The following TLE1 variants were observed in gnomAD, a reference collection of about 807,000 sequenced individuals.
The protein encoded by TLE1 is TLE family member 1, transcriptional corepressor.
Under a neutral mutation model 89.8 loss-of-function variants are expected in TLE1, and 21 were observed. The ratio of observed to expected loss-of-function variants is 0.23; its 90% CI spans 0.17 to 0.34. The LOEUF (loss-of-function observed/expected upper bound fraction) is 0.34, where lower values mean the gene tolerates loss of function less well. Among genes scored for constraint, TLE1 ranks in the 10% least tolerant of loss-of-function variants. The pLI, the probability that TLE1 is intolerant of heterozygous loss-of-function variation, is 1.00. For synonymous variants in TLE1, 447 were observed against 407.6 expected (o/e 1.10, Z -1.16); for missense variants, 795 against 1,031.2 (o/e 0.77, Z 3.14).
chr9:81,612,852 G>A (rs1823891360), intron 12 of TLE1, among the ~76,000 whole-genome samples: 1 of 152,214 alleles, frequency 6.6e-6, no homozygotes, highest in South Asian at 2.1e-4. Context: ...GAGGTCAGGA[G>A]TTTGAGACCA....
In TLE1 at chr9:81,653,919, T is replaced by C; in HGVS notation, c.297+55A>G. The stretch of plus-strand genomic sequence containing the variant: ...AATTAACATCTTAAAACTAGCTAAT[T>C]TGCAAACAGAGAAGCAACATAATTG... On this transcript the variant is annotated intron_variant, in intron 5 of 19. Coordinates refer to ENST00000376499, the MANE Select transcript of TLE1 (RefSeq NM_005077.5). 5 of 1,527,704 alleles carry C rather than the reference T, an allele frequency of 3.3e-6. No homozygotes were observed. In the South Asian group the frequency reaches 4.5e-5, roughly 14 times the overall value. 94.6% of individuals were successfully genotyped at this position (1,527,704 alleles called of 1,614,324 possible). A position where few individuals can be genotyped will look rare whatever the true frequency, so the allele number is the denominator to read the frequency against.
chr9:81,679,983 TTACTAAAG>T (rs1833398282), intron 4 of TLE1, among the ~76,000 whole-genome samples: 1 of 152,180 alleles, frequency 6.6e-6, no homozygotes, highest in South Asian at 2.1e-4. Context: ...ATTTAAATAT[TTACTAAAG>T]AAACAGATTT....
rs747100379 is a variant in TLE1 at position 81,616,080 on chromosome 9, C to T, written c.820G>A (p.Asp274Asn). ...PAHSPRENGIDKNRLLKKDAS... is the reference protein window; with the variant it reads ...PAHSPRENGINKNRLLKKDAS... The stretch of plus-strand genomic sequence containing the variant: ...TCCTTCTTTAGCAGGCGATTTTTGT[C>T]GATTCCATTTTCCCGGGGCGAGTGG... Residue 274 changes from aspartate (D) to asparagine (N), a missense_variant, in exon 11 of 20, where the codon GAC becomes AAC. Around this residue, in one of 4 missense-constraint regions of TLE1, gnomAD observed 468 missense variants for 509.1 expected, o/e 0.92. Coordinates refer to ENST00000376499, the MANE Select transcript of TLE1 (RefSeq NM_005077.5). 9 of 1,614,084 alleles carry T rather than the reference C, an allele frequency of 5.6e-6. No individual in the cohort carries two copies. Among genetic ancestry groups the T allele is most frequent in the Admixed American group, 5.0e-5 (3 of 59,992 alleles).
chr9:81,622,184 G>T (rs987209061), intron 8 of TLE1, among the ~76,000 whole-genome samples: 5 of 152,216 alleles, frequency 3.3e-5, no homozygotes, highest in Non-Finnish European at 7.3e-5. Context: ...CATGGGAAAC[G>T]TGTTTAAATA....
intron 4 of TLE1, among the ~76,000 whole-genome samples, chr9:81,654,691 G>T (rs939420952): frequency 6.6e-6 from 1 of 152,146 alleles, no homozygotes; most frequent in Admixed American, 6.5e-5. Context: ...TGTCATTATT[G>T]CAAGTTCATT....
At position 81,611,923 on chromosome 9, in the gene TLE1, G is replaced by C; in HGVS notation, c.1100C>G (p.Pro367Arg). The C allele has an allele frequency of 1.3e-6, 2 of 1,501,382 alleles. No homozygotes were observed. Among genetic ancestry groups the C allele is most frequent in the Non-Finnish European group, 1.8e-6 (2 of 1,128,168 alleles). 93.0% of individuals were successfully genotyped at this position (1,501,382 alleles called of 1,614,324 possible). ...GLRTPLAVPG[P>R]YPAPFGMVPH... ...GACCATCCCAAAAGGAGCAGGATAT[G>C]GGCCGGGCACTGCCAGGGGTGTCCT... is the stretch of plus-strand genomic sequence containing the variant. The change falls in exon 13 of 20, where the codon CCA becomes CGA. Residue 367 changes from proline (P) to arginine (R), a missense_variant. Pro to Arg is a moderately radical substitution (Grantham distance 103, BLOSUM62 -2). Around this residue, in one of 4 missense-constraint regions of TLE1, gnomAD observed 468 missense variants for 509.1 expected, o/e 0.92. Coordinates refer to ENST00000376499, the MANE Select transcript of TLE1 (RefSeq NM_005077.5).
intron 14 of TLE1, among the ~76,000 whole-genome samples, chr9:81,606,913 T>C (rs944862009): frequency 5.3e-5 from 8 of 151,646 alleles, no homozygotes; most frequent in African/African-American, 1.9e-4. Flanking sequence ...GGCTCAAACA[T>C]GAAAGAGAAT....
rs1834748248 is a variant in TLE1, at chr9:81,689,389, T to G, written c.-1149A>C. The G allele has an allele frequency of 6.6e-6, 1 of 152,306 alleles. No individual in the cohort carries two copies. The highest frequency in any genetic ancestry group is 6.6e-5 in the Admixed American group (1 of 15,266). 9.4% of individuals were successfully genotyped at this position (152,306 alleles called of 1,614,324 possible). ...GCGGGACGACGGAGGTCCGGGCTGGTGGCGCGGGTCCCGCCCGGCCGTGCG... is the reference window on the plus strand; with the variant it reads ...GCGGGACGACGGAGGTCCGGGCTGGGGGCGCGGGTCCCGCCCGGCCGTGCG... On this transcript the variant is annotated 5_prime_UTR_variant, in exon 1 of 20. Coordinates refer to ENST00000376499, the MANE Select transcript of TLE1 (RefSeq NM_005077.5).
intron 4 of TLE1, among the ~76,000 whole-genome samples, chr9:81,670,097 TTATC>T (rs1832023893): frequency 6.6e-6 from 1 of 152,348 alleles, no homozygotes; most frequent in East Asian, 1.9e-4. Context: ...ATTGGATATC[TTATC>T]TTTCTATTGC....
chr9:81,609,079 C>T (rs556667534), intron 14 of TLE1, among the ~76,000 whole-genome samples: 3 of 151,278 alleles, frequency 2.0e-5, no homozygotes, highest in South Asian at 4.2e-4. Context: ...TTCCTCTCCT[C>T]TCCTTTCCTT....
Position 81,673,230 on chromosome 9 carries a change from G to C in TLE1, c.234+12446C>G, listed in dbSNP as rs1034067830. On this transcript the variant is annotated intron_variant, in intron 4 of 19. Transcript: ENST00000376499. ...GGAGGTTGCAGTGAACCAAGATTGC[G>C]CCATTGCACTCCAGCCTGGGGGACA... is the stretch of plus-strand genomic sequence containing the variant. Among the ~76,000 whole-genome samples the C allele has an allele frequency of 3.0e-5, 4 of 135,384 alleles. No individual in the cohort carries two copies. In the Admixed American group the frequency reaches 3.3e-4, roughly 11 times the overall value. 88.8% of individuals were successfully genotyped at this position (135,384 alleles called of 152,430 possible).
chr9:81,680,544 T>C (rs1215033698), intron 4 of TLE1, among the ~76,000 whole-genome samples: 1 of 152,222 alleles, frequency 6.6e-6, no homozygotes, highest in African/African-American at 2.4e-5. Flanking sequence ...AGGGACTCCC[T>C]TGCCTTACTC....
intron 4 of TLE1, among the ~76,000 whole-genome samples, chr9:81,682,904 T>C (rs181735826): frequency 6.6e-6 from 1 of 152,346 alleles, no homozygotes; most frequent in Admixed American, 6.5e-5. Flanking sequence ...TCCTGTTTCA[T>C]TGCCTTTTCG....
chr9:81,632,488 T>G (rs1432217365), intron 8 of TLE1, among the ~76,000 whole-genome samples: 1 of 146,018 alleles, frequency 6.8e-6, no homozygotes, highest in Non-Finnish European at 1.5e-5. Context: ...TTTTTTTTTT[T>G]TTTTTTTTAC....
chr9:81,610,683 A>T (rs898607572), intron 13 of TLE1, among the ~76,000 whole-genome samples: 1 of 152,158 alleles, frequency 6.6e-6, no homozygotes, highest in African/African-American at 2.4e-5. Context: ...TGGGCGTTGC[A>T]GGATGCTGAA....
At chr9:81,638,947 A>G (rs1413640868) in intron 6 of TLE1, among the ~76,000 whole-genome samples, 1 of 151,660 alleles carries the variant, frequency 6.6e-6, no homozygotes, top group South Asian at 2.1e-4. Context: ...TTTTTGAAGC[A>G]AAGTCTCACT....
intron 6 of TLE1, among the ~76,000 whole-genome samples, chr9:81,635,863 A>G (rs1827292467): frequency 6.6e-6 from 1 of 152,150 alleles, no homozygotes; most frequent in Non-Finnish European, 1.5e-5. Flanking sequence ...ACTTTTCTAA[A>G]AATGTTTAGG....
chr9:81,585,927 G>A (rs1456115869), intron 17 of TLE1, among the ~76,000 whole-genome samples: 1 of 151,940 alleles, frequency 6.6e-6, no homozygotes, highest in Non-Finnish European at 1.5e-5. Context: ...CATTTTAAAG[G>A]AGGCTTTACC....
At chr9:81,625,691 T>A (rs1263293802) in intron 8 of TLE1, among the ~76,000 whole-genome samples, 1 of 152,136 alleles carries the variant, frequency 6.6e-6, no homozygotes, top group Non-Finnish European at 1.5e-5. Context: ...AGATTGGGAC[T>A]CTGTATTACT....
Sources: gnomAD v4.1 joint callset for allele counts (sites outside exome capture counted in the v4.1 genomes callset) on GRCh38, gnomAD v4.1.1 for gene constraint, gnomAD v4.1.1 regional missense constraint, MANE v1.5 for transcripts, NCBI Gene and HGNC (gene_info 2026-07-23, HGNC 2026-07-21) for gene names.